Variants in AGO3 observed in about 807,000 individuals in gnomAD.
The protein encoded by AGO3 is argonaute RISC catalytic component 3.
Under a neutral mutation model 105.5 loss-of-function variants are expected in AGO3, and 16 were observed. The ratio of observed to expected loss-of-function variants is 0.15; its 90% CI spans 0.10 to 0.23. The LOEUF (loss-of-function observed/expected upper bound fraction) is 0.23. Ranked by LOEUF, AGO3 falls within the 10% of genes least tolerant of loss-of-function variation. The pLI, the probability that AGO3 is intolerant of heterozygous loss-of-function variation, is 1.00. For missense variants in AGO3, 534 were observed against 1,088.0 expected, an observed-to-expected ratio of 0.49 and a Z score of 7.16; for synonymous variants, 340 against 367.3, an observed-to-expected ratio of 0.93 and a Z score of 0.85.
chr1:35,983,588 AAAAT>A (rs1026672017), intron 5 of AGO3, among the ~76,000 whole-genome samples: 71 of 152,168 alleles, frequency 4.7e-4, no homozygotes, highest in African/African-American at 1.6e-3. Context: ...CCCCATCTCA[AAAAT>A]AAATAAATAA....
chr1:35,948,458 T>TC lies in AGO3; in HGVS notation c.191+2603dup, dbSNP rs562041109. ...TGGTCTTGAACTCCTGACCTTGTGGTCCCCCCCCGCCCCCACCCCACCGCC... is the reference window on the plus strand; with the variant it reads ...TGGTCTTGAACTCCTGACCTTGTGGTCCCCCCCCCGCCCCCACCCCACCGCC... On this transcript the variant is annotated intron_variant, in intron 2 of 18. Coordinates refer to ENST00000373191, the MANE Select transcript of AGO3 (RefSeq NM_024852.4). 7.7e-3 allele frequency among the ~76,000 whole-genome samples: 1,096 copies of TC among 142,798 alleles called. 8 individuals carry two copies. The highest frequency in any genetic ancestry group is 0.023 in the African/African-American group (882 of 38,888). The allele number at this position is 142,798 out of a possible 152,430, so 93.7% of individuals were successfully genotyped here. A position where few individuals can be genotyped will look rare whatever the true frequency, so the allele number is the denominator to read the frequency against.
chr1:36,005,478 AAAGT>A (rs1449175498), intron 6 of AGO3, among the ~76,000 whole-genome samples: 1 of 152,206 alleles, frequency 6.6e-6, no homozygotes, highest in Non-Finnish European at 1.5e-5. Flanking sequence ...TTTAAATGCC[AAAGT>A]AAGAAACTGT....
intron 2 of AGO3, among the ~76,000 whole-genome samples, chr1:35,959,296 G>A (rs997155825): frequency 2.0e-5 from 3 of 152,130 alleles, no homozygotes; most frequent in African/African-American, 7.2e-5. Context: ...GGTAGGATAG[G>A]CTGTACCCCT....
intron 2 of AGO3, among the ~76,000 whole-genome samples, chr1:35,956,160 A>G (rs948165808): frequency 1.3e-5 from 2 of 152,206 alleles, no homozygotes; most frequent in Non-Finnish European, 2.9e-5. Context: ...CACAGTGGCA[A>G]TAATGATGAT....
intron 2 of AGO3, among the ~76,000 whole-genome samples, chr1:35,949,973 A>C (rs1435403127): frequency 6.6e-6 from 1 of 152,128 alleles, no homozygotes; most frequent in Non-Finnish European, 1.5e-5. Flanking sequence ...CTGTAATCCC[A>C]GCACTTTGGG....
intron 13 of AGO3, among the ~76,000 whole-genome samples, chr1:36,034,819 CA>C (rs1187840325): frequency 1.3e-5 from 2 of 152,242 alleles, no homozygotes; most frequent in Non-Finnish European, 2.9e-5. Flanking sequence ...ACTGGGAGCC[CA>C]GATTAGTCAA....
chr1:35,967,084 T>C lies in AGO3; in HGVS notation c.312+9T>C, dbSNP rs370808692. On this transcript the variant is annotated intron_variant, in intron 3 of 18. Transcript: ENST00000373191. The stretch of plus-strand genomic sequence containing the variant: ...CTGTGGCAACTACAGGGGTAAGATA[T>C]GCATTCCTGTATTGGAAAGGTATAT... 4.4e-6 allele frequency: 7 copies of C among 1,601,908 alleles called. No individual in the cohort carries two copies. The highest frequency in any genetic ancestry group is 1.7e-4 in the Middle Eastern group (1 of 6,014).
rs1641096320 is a variant in AGO3, at chr1:36,019,443, C to T, written c.1406+5395C>T. ...TGTAATACCTTATTTAACTGTTTTA[C>T]AGCCAGTCCAGTGAGGCAAGTATCT... On this transcript the variant is annotated intron_variant, in intron 11 of 18. Coordinates refer to ENST00000373191, the MANE Select transcript of AGO3 (RefSeq NM_024852.4). 2.6e-5 allele frequency among the ~76,000 whole-genome samples: 4 copies of T among 152,196 alleles called. No homozygotes were observed. The South Asian group carries it at 8.3e-4, about 32-fold the overall frequency.
intron 11 of AGO3, among the ~76,000 whole-genome samples, chr1:36,025,981 G>A (rs1038766992): frequency 1.3e-5 from 2 of 151,912 alleles, no homozygotes; most frequent in Non-Finnish European, 2.9e-5. Context: ...GAGGCTGCAG[G>A]AGTGAGTTGT....
In AGO3 at chr1:36,072,351, T is replaced by C. The variant is rs1643176786; in HGVS notation, c.*16606T>C. ...CTGTGACAGAACCACTACTCTTTTT[T>C]CTGCCATTCTGCCTACTGGAGAGTT... On this transcript the variant is annotated 3_prime_UTR_variant, in exon 19 of 19. Transcript: ENST00000373191. 1 of 152,276 alleles carries C rather than the reference T, an allele frequency of 6.6e-6. No homozygotes were observed. Among genetic ancestry groups the C allele is most frequent in the African/African-American group, 2.4e-5 (1 of 41,474 alleles). 9.4% of individuals were successfully genotyped at this position (152,276 alleles called of 1,614,324 possible). A position where few individuals can be genotyped will look rare whatever the true frequency, so the allele number is the denominator to read the frequency against.
chr1:36,047,429 GA>G (rs1205175869), intron 17 of AGO3, among the ~76,000 whole-genome samples: 2 of 147,058 alleles, frequency 1.4e-5, no homozygotes, highest in African/African-American at 2.5e-5. Context: ...CAGGTCATTT[GA>G]AAAAAAAATC....
intron 17 of AGO3, among the ~76,000 whole-genome samples, chr1:36,045,248 G>A (rs145522846): frequency 2.3e-4 from 35 of 151,764 alleles, no homozygotes; most frequent in Admixed American, 3.9e-4. Flanking sequence ...TTTTAACGGA[G>A]TCTCACTCTG....
At chr1:36,040,569 A>G (rs1000899158) in intron 16 of AGO3, 128 bp downstream of exon 16, 3 of 970,342 alleles carry the variant, frequency 3.1e-6, no homozygotes, top group Admixed American at 2.4e-5. Flanking sequence ...CAACAATTAC[A>G]TTATGAGTAT....
At position 36,064,996 on chromosome 1, in the gene AGO3, GTC is replaced by G. The variant is rs1372101889; in HGVS notation, c.*9255_*9256del. ...AGCCTGCCCAATATGGTGAAACCCTGTCTCTACTAAAATTACAAAAATTAGCT... is the reference window on the plus strand; with the variant it reads ...AGCCTGCCCAATATGGTGAAACCCTGTCTACTAAAATTACAAAAATTAGCT... On this transcript the variant is annotated 3_prime_UTR_variant, in exon 19 of 19. Transcript: ENST00000373191. 6 of 151,368 alleles carry G rather than the reference GTC, an allele frequency of 4.0e-5. No individual in the cohort carries two copies. The East Asian group carries it at 9.9e-4, about 25-fold the overall frequency. 9.4% of individuals were successfully genotyped at this position (151,368 alleles called of 1,614,324 possible).
intron 5 of AGO3, among the ~76,000 whole-genome samples, chr1:36,003,364 C>T (rs1373695536): frequency 6.6e-6 from 1 of 151,940 alleles, no homozygotes; most frequent in South Asian, 2.1e-4. Flanking sequence ...AAAAAACCAC[C>T]CACTGCTCAA....
rs534168840 is a variant in AGO3 at position 36,070,549 on chromosome 1, T to A, written c.*14804T>A. 12 of 152,108 alleles carry A rather than the reference T, an allele frequency of 7.9e-5. No individual in the cohort carries two copies. Among genetic ancestry groups the A allele is most frequent in the South Asian group, 4.2e-4 (2 of 4,814 alleles). The allele number at this position is 152,108 out of a possible 1,614,324, so 9.4% of individuals were successfully genotyped here. A position where few individuals can be genotyped will look rare whatever the true frequency, so the allele number is the denominator to read the frequency against. ...TTGTTGCAACAGACAAGATTTTTTT[T>A]AAAAAAAGAAAAAAGGATGCATTTT... is the stretch of plus-strand genomic sequence containing the variant. On this transcript the variant is annotated 3_prime_UTR_variant, in exon 19 of 19. Transcript: ENST00000373191.
chr1:35,949,026 C>G (rs981032514), intron 2 of AGO3, among the ~76,000 whole-genome samples: 22 of 152,078 alleles, frequency 1.4e-4, no homozygotes, highest in Admixed American at 1.4e-3. Context: ...TCATTGCAGC[C>G]TCCATCTCCT....
intron 17 of AGO3, among the ~76,000 whole-genome samples, chr1:36,054,555 T>C (rs1046756369): frequency 6.6e-6 from 1 of 152,142 alleles, no homozygotes; most frequent in African/African-American, 2.4e-5. Context: ...AACCTGTTTT[T>C]TATGTGACTT....
At chr1:36,015,283 T>C (rs899074146) in intron 11 of AGO3, among the ~76,000 whole-genome samples, 1 of 152,110 alleles carries the variant, frequency 6.6e-6, no homozygotes, top group African/African-American at 2.4e-5. Context: ...TAGGGTGAGG[T>C]ATGGGGACGG....
Sources: allele counts gnomAD v4.1 joint callset (sites outside exome capture counted in the v4.1 genomes callset), GRCh38; gene constraint gnomAD v4.1.1; transcripts MANE v1.5; gene names NCBI Gene and HGNC (gene_info 2026-07-23, HGNC 2026-07-21).